Variants in HDX observed in about 807,000 individuals in gnomAD.
HDX encodes chromosome X open reading frame 43.
HDX carries 19 observed loss-of-function variants against 45.2 expected under a neutral mutation model. That is an observed-to-expected ratio of 0.42 (90% confidence interval 0.29 to 0.62). The LOEUF is 0.62. Ranked by LOEUF, HDX falls within the 20% of genes least tolerant of loss-of-function variation. The pLI is 0.20. For synonymous variants in HDX, 188 were observed against 172.8 expected (o/e 1.09, Z -0.69); for missense variants, 532 against 493.9 (o/e 1.08, Z -0.73).
intron 6 of HDX, among the ~76,000 whole-genome samples, chrX:84,360,877 G>A (rs981788035): frequency 8.9e-6 from 1 of 111,882 alleles, no homozygotes; most frequent in African/African-American, 3.2e-5. Context: ...ATGAATATCA[G>A]TGTGCAACTT....
chrX:84,483,780 A>G (rs191544875), intron 2 of HDX, among the ~76,000 whole-genome samples: 2 of 112,151 alleles, frequency 1.8e-5, no homozygotes, highest in Non-Finnish European at 3.8e-5. Flanking sequence ...AATTTTCCAA[A>G]CTTTTATGCT....
chrX:84,452,579 A>T (rs2040025420), intron 4 of HDX, among the ~76,000 whole-genome samples: 1 of 110,571 alleles, frequency 9.0e-6, no homozygotes, highest in African/African-American at 3.3e-5. Context: ...TCATTACCTG[A>T]CTTGAAAATA....
chrX:84,497,944 A>AG (rs773374656), intron 1 of HDX, among the ~76,000 whole-genome samples: 94 of 111,233 alleles, frequency 8.5e-4, no homozygotes, highest in African/African-American at 2.8e-3. Context: ...AAAAGTGCTT[A>AG]GGGGAGTATA....
intron 6 of HDX, 113 bp downstream of exon 6, chrX:84,361,353 G>T: frequency 3.4e-6 from 2 of 585,440 alleles, no homozygotes; most frequent in Admixed American, 3.3e-5. Flanking sequence ...TATCCTGTGG[G>T]TTATCTTTTC....
chrX:84,373,760 A>G (rs1490537000), intron 5 of HDX, among the ~76,000 whole-genome samples: 2 of 111,581 alleles, frequency 1.8e-5, no homozygotes, highest in Non-Finnish European at 3.8e-5. Context: ...GACTTATCTC[A>G]AAATAATAAG....
chrX:84,458,368 T>C (rs2040161859), intron 4 of HDX, among the ~76,000 whole-genome samples: 1 of 111,915 alleles, frequency 8.9e-6, no homozygotes, highest in African/African-American at 3.2e-5. Flanking sequence ...TTCTGTACAA[T>C]GTAAATGGTT....
rs746171231 is a variant in HDX, at chrX:84,361,610, T to C, written c.1308A>G (p.Leu436=). 1 of 1,165,030 alleles carries C rather than the reference T, an allele frequency of 8.6e-7. No individual in the cohort carries two copies. Among genetic ancestry groups the C allele is most frequent in the Admixed American group, 2.4e-5 (1 of 41,002 alleles). The change falls in exon 6 of 11, where the codon CTA becomes CTG. Residue 436 remains leucine (L), a splice_region_variant and synonymous_variant. Coordinates refer to ENST00000373177, the MANE Select transcript of HDX (RefSeq NM_001177479.2). ...WITGCSRKRA[L]QDRTQFSDRD... ...GGTCACTGAACTGAGTGCGGTCCTG[T>C]AGCTGAAAAACACATTTTTAAATTG...
chrX:84,477,298 A>G (rs959525136), intron 2 of HDX, among the ~76,000 whole-genome samples: 2 of 111,846 alleles, frequency 1.8e-5, no homozygotes, highest in Non-Finnish European at 3.8e-5. Flanking sequence ...CCTACTGCAA[A>G]AAGCCTAAAG....
chrX:84,352,974 G>GA (rs1222504041), intron 6 of HDX, among the ~76,000 whole-genome samples: 8 of 108,166 alleles, frequency 7.4e-5, no homozygotes, highest in African/African-American at 1.3e-4. Flanking sequence ...GAAGAGTGAA[G>GA]AAAAAAAAAG....
chrX:84,331,871 A>G (rs749998590), intron 9 of HDX, among the ~76,000 whole-genome samples: 1 of 111,868 alleles, frequency 8.9e-6, no homozygotes, highest in African/African-American at 3.2e-5. Flanking sequence ...GTAGTAGGCT[A>G]TATACATCTA....
chrX:84,353,196 T>C (rs770773787), intron 6 of HDX, among the ~76,000 whole-genome samples: 2 of 111,973 alleles, frequency 1.8e-5, no homozygotes, highest in Non-Finnish European at 3.8e-5. Context: ...AATGTATAAA[T>C]ACAATGCTAA....
At chrX:84,344,904 G>A (rs868275630) in intron 6 of HDX, among the ~76,000 whole-genome samples, 4 of 110,589 alleles carry the variant, frequency 3.6e-5, no homozygotes, top group South Asian at 3.8e-4. Flanking sequence ...TTTGTTTCTC[G>A]AGAAAACGAT....
chrX:84,374,830 A>G (rs1226777010), intron 5 of HDX, among the ~76,000 whole-genome samples: 1 of 100,374 alleles, frequency 1.0e-5, no homozygotes, highest in African/African-American at 3.6e-5. Flanking sequence ...GGACATAGGC[A>G]TGGGCAAGGA....
chrX:84,402,525 G>A (rs1362698569), intron 5 of HDX, among the ~76,000 whole-genome samples: 3 of 111,703 alleles, frequency 2.7e-5, no homozygotes, highest in Non-Finnish European at 3.8e-5. Context: ...ATCATACAGT[G>A]TATAGTATTC....
At chrX:84,491,570 C>A (rs1182396680) in intron 1 of HDX, among the ~76,000 whole-genome samples, 1 of 111,375 alleles carries the variant, frequency 9.0e-6, no homozygotes, top group East Asian at 2.8e-4. Flanking sequence ...TATTTCTTTG[C>A]ATGCTTGGTA....
intron 4 of HDX, among the ~76,000 whole-genome samples, chrX:84,465,794 A>T (rs1353320482): frequency 5.4e-5 from 6 of 111,635 alleles, no homozygotes; most frequent in Non-Finnish European, 9.4e-5. Context: ...CGTTCTGCAC[A>T]TGTACCCCAG....
intron 5 of HDX, among the ~76,000 whole-genome samples, chrX:84,395,706 A>G (rs1311141412): frequency 1.8e-5 from 2 of 111,156 alleles, no homozygotes; most frequent in African/African-American, 6.5e-5. Context: ...GGACTCCACA[A>G]ATTTGAATAT....
chrX:84,396,734 G>C (rs748596832), intron 5 of HDX, among the ~76,000 whole-genome samples: 1 of 111,686 alleles, frequency 9.0e-6, no homozygotes, highest in East Asian at 2.8e-4. Context: ...AGTGTCAGCT[G>C]TGGCAGTATC....
intron 2 of HDX, among the ~76,000 whole-genome samples, chrX:84,484,976 T>C (rs188731506): frequency 2.4e-5 from 2 of 82,430 alleles, no homozygotes; most frequent in East Asian, 5.9e-4. Flanking sequence ...TTTGATAAAG[T>C]ATATATTGTC....
Sources: gnomAD v4.1 joint callset for allele counts (sites outside exome capture counted in the v4.1 genomes callset) on GRCh38, gnomAD v4.1.1 for gene constraint, MANE v1.5 for transcripts, NCBI Gene and HGNC (gene_info 2026-07-23, HGNC 2026-07-21) for gene names.